Variants in PIEZO2 observed in about 807,000 individuals in gnomAD.
PIEZO2 encodes the protein piezo-type mechanosensitive ion channel component 2.
A neutral mutation model predicts 337.3 loss-of-function variants in PIEZO2; 172 were observed. The observed-to-expected ratio is 0.51, with a 90% confidence interval of 0.45 to 0.58. The LOEUF is 0.58. Among genes scored for constraint, PIEZO2 ranks in the 20% least tolerant of loss-of-function variants. The pLI is 0.00. For synonymous variants in PIEZO2, 1,251 were observed against 1,228.5 expected (o/e 1.02, Z -0.38); for missense variants, 3,028 against 3,391.3 (o/e 0.89, Z 2.66).
chr18:10,974,009 CGAA>C (rs2034342170), intron 3 of PIEZO2, among the ~76,000 whole-genome samples: 2 of 152,120 alleles, frequency 1.3e-5, no homozygotes, highest in African/African-American at 4.8e-5. Flanking sequence ...GCACAACTAA[CGAA>C]GCATGGGGTG....
rs942847264 is a variant in PIEZO2 at position 10,899,600 on chromosome 18, C to A, written c.329+11586G>T. 1.3e-5 allele frequency among the ~76,000 whole-genome samples: 2 copies of A among 152,094 alleles called. No individual in the cohort carries two copies. Among genetic ancestry groups the A allele is most frequent in the African/African-American group, 4.8e-5 (2 of 41,426 alleles). ...TGCAGAACAAATAAGAAATATGAAG[C>A]CTTCTCTTGTAGCTGCCTATTAGCA... On this transcript the variant is annotated intron_variant, in intron 4 of 55. Transcript: ENST00000674853. This position sits in a 1 kb window ranked among gnomAD's most constrained non-coding sequence, Gnocchi z 4.6.
intron 20 of PIEZO2, among the ~76,000 whole-genome samples, chr18:10,771,433 A>G (rs756020453): frequency 9.2e-5 from 14 of 152,238 alleles, no homozygotes; most frequent in Non-Finnish European, 1.6e-4. Context: ...GGCTCACTTT[A>G]TTGACTGAAA....
rs549227355 is a variant in PIEZO2 at position 11,016,866 on chromosome 18, T to C, written c.161-37206A>G. Among the ~76,000 whole-genome samples, 1 of 152,338 alleles carries C rather than the reference T, an allele frequency of 6.6e-6. No homozygotes were observed. The highest frequency in any genetic ancestry group is 1.9e-4 in the East Asian group (1 of 5,182). ...TTGTTATTTCCTTCTCCCCTAATAA[T>C]TGCTTTCTGCAATTGTTTATTTCAT... On this transcript the variant is annotated intron_variant, in intron 2 of 55. Transcript: ENST00000674853. The surrounding 1 kb of genome is among the most constrained non-coding windows in gnomAD (Gnocchi z 5.6).
At chr18:10,799,834 G>A (rs1005736509) in intron 11 of PIEZO2, among the ~76,000 whole-genome samples, 5 of 146,208 alleles carry the variant, frequency 3.4e-5, no homozygotes, top group East Asian at 2.2e-4. Flanking sequence ...TTAGCCAGGC[G>A]TGGTGGTGGG....
chr18:11,025,912 G>T (rs945089305), intron 2 of PIEZO2, among the ~76,000 whole-genome samples: 4 of 152,120 alleles, frequency 2.6e-5, no homozygotes, highest in African/African-American at 9.7e-5. Flanking sequence ...ATAAGATCTG[G>T]GTTCCGCTGG....
chr18:10,880,607 G>A (rs184556493), intron 4 of PIEZO2, among the ~76,000 whole-genome samples: 12 of 152,114 alleles, frequency 7.9e-5, no homozygotes, highest in African/African-American at 2.9e-4. Context: ...ACAACAACAT[G>A]ACTAAAATGT....
chr18:11,042,004 T>G (rs2037140024), intron 2 of PIEZO2, among the ~76,000 whole-genome samples: 1 of 152,200 alleles, frequency 6.6e-6, no homozygotes, highest in Non-Finnish European at 1.5e-5. Context: ...GCGTCTTCTA[T>G]CCATCATTTC....
At chr18:10,785,849 A>T (rs770779736) in intron 16 of PIEZO2, among the ~76,000 whole-genome samples, 1 of 152,030 alleles carries the variant, frequency 6.6e-6, no homozygotes, top group Non-Finnish European at 1.5e-5. Context: ...TAGTCAAGGG[A>T]TCTTTAAAGA....
chr18:10,761,242 G>A (rs2038118202), intron 23 of PIEZO2, 131 bp from the exon 24 acceptor site: 1 of 774,436 alleles, frequency 1.3e-6, no homozygotes, highest in Non-Finnish European at 2.0e-6. Context: ...GCAGTTTTGA[G>A]CTCAATATTC....
chr18:10,924,057 A>G (rs1439292565), intron 3 of PIEZO2, among the ~76,000 whole-genome samples: 1 of 152,252 alleles, frequency 6.6e-6, no homozygotes, highest in African/African-American at 2.4e-5. Flanking sequence ...TTAAATGAAT[A>G]ATGCTGCCAG....
chr18:10,868,317 A>G (rs1239628197), intron 5 of PIEZO2, among the ~76,000 whole-genome samples: 1 of 152,248 alleles, frequency 6.6e-6, no homozygotes. Flanking sequence ...ATTTATAAGC[A>G]GCAGGAAATA....
Position 10,746,923 on chromosome 18 carries a change from A to G in PIEZO2, c.4424+1548T>C, listed in dbSNP as rs2037446833. Reference sequence around the variant, plus strand: ...GTCCGCCCAAATGGACTGAGACGATACCAGGTGTACTGTAGTAGAATTGCT... The same window carrying G: ...GTCCGCCCAAATGGACTGAGACGATGCCAGGTGTACTGTAGTAGAATTGCT... On this transcript the variant is annotated intron_variant, in intron 30 of 55. Coordinates refer to ENST00000674853, the MANE Select transcript of PIEZO2 (RefSeq NM_001378183.1). This position sits in a 1 kb window ranked among gnomAD's most constrained non-coding sequence, Gnocchi z 4.2. 1.3e-5 allele frequency among the ~76,000 whole-genome samples: 2 copies of G among 152,186 alleles called. No individual in the cohort carries two copies. The highest frequency in any genetic ancestry group is 2.9e-5 in the Non-Finnish European group (2 of 68,042).
intron 2 of PIEZO2, among the ~76,000 whole-genome samples, chr18:11,017,360 A>T (rs1483416443): frequency 6.6e-6 from 1 of 152,206 alleles, no homozygotes; most frequent in Non-Finnish European, 1.5e-5. Context: ...CAATTCTGAA[A>T]ATCCATGGGT....
chr18:10,809,260 C>CTTTTTTTTTTTTTTTTTTTTTTT lies in PIEZO2; in HGVS notation c.918-2009_918-1987dup, dbSNP rs869210659. On this transcript the variant is annotated intron_variant, in intron 7 of 55. Coordinates refer to ENST00000674853, the MANE Select transcript of PIEZO2 (RefSeq NM_001378183.1). ...ACCTAAGATTTCTCTCTCTCTCTCTCTTTTTTTTTTTTTTTTTTTTTTTTT... is the reference window on the plus strand; with the variant it reads ...ACCTAAGATTTCTCTCTCTCTCTCTCTTTTTTTTTTTTTTTTTTTTTTTTTTTTTTTTTTTTTTTTTTTTTTTT... 3.0e-5 allele frequency among the ~76,000 whole-genome samples: 2 copies of CTTTTTTTTTTTTTTTTTTTTTTT among 65,804 alleles called. 1 individual carries two copies. Among genetic ancestry groups the CTTTTTTTTTTTTTTTTTTTTTTT allele is most frequent in the African/African-American group, 1.2e-4 (2 of 16,988 alleles). 43.2% of individuals were successfully genotyped at this position (65,804 alleles called of 152,430 possible).
chr18:11,102,472 G>A lies in PIEZO2; in HGVS notation c.65-36250C>T, dbSNP rs1220827363. Among the ~76,000 whole-genome samples, 1 of 152,210 alleles carries A rather than the reference G, an allele frequency of 6.6e-6. No individual in the cohort carries two copies. Among genetic ancestry groups the A allele is most frequent in the East Asian group, 1.9e-4 (1 of 5,188 alleles). On this transcript the variant is annotated intron_variant, in intron 1 of 55. Transcript: ENST00000674853. The surrounding 1 kb of genome is among the most constrained non-coding windows in gnomAD (Gnocchi z 5.7). ...CCCCCACCAGGCTGGTGCAGTGGCA[G>A]GTGGCCAGCCTTTACCCTTATTCCC...
intron 1 of PIEZO2, among the ~76,000 whole-genome samples, chr18:11,135,286 A>G (rs2040449699): frequency 1.3e-5 from 2 of 152,208 alleles, no homozygotes; most frequent in African/African-American, 4.8e-5. Context: ...AACAAACGCC[A>G]GGGCTATTTT....
rs555411859 is a variant in PIEZO2 at position 10,819,884 on chromosome 18, G to A, written c.918-12610C>T. ...TGGTGCAAAATTCTCTCAGTCTTTC[G>A]TATCTGATAATATCTTTATTTGACC... On this transcript the variant is annotated intron_variant, in intron 7 of 55. Transcript: ENST00000674853. The surrounding 1 kb of genome is among the most constrained non-coding windows in gnomAD (Gnocchi z 4.3). Among the ~76,000 whole-genome samples, 9 of 152,196 alleles carry A rather than the reference G, an allele frequency of 5.9e-5. No homozygotes were observed. The highest frequency in any genetic ancestry group is 2.1e-4 in the South Asian group (1 of 4,826).
At chr18:10,736,846 A>T in intron 33 of PIEZO2, 136 bp from the exon 34 acceptor site, 1 of 1,005,398 alleles carries the variant, frequency 9.9e-7, no homozygotes, top group East Asian at 2.6e-5. Context: ...AGAGAGGAAA[A>T]CACACAAGAT....
In PIEZO2 at chr18:10,773,973, G is replaced by A. The variant is rs2038697437; in HGVS notation, c.2567+33C>T. Reference sequence around the variant, plus strand: ...GAAGCATGAAATGGCATCATGTAGAGCAAGCATTTCATGGCTTCACAGGGG... The same window carrying A: ...GAAGCATGAAATGGCATCATGTAGAACAAGCATTTCATGGCTTCACAGGGG... On this transcript the variant is annotated intron_variant, in intron 19 of 55. Transcript: ENST00000674853. This position sits in a 1 kb window ranked among gnomAD's most constrained non-coding sequence, Gnocchi z 5.3. 1.4e-6 allele frequency: 1 copy of A among 702,926 alleles called. No individual in the cohort carries two copies. 43.5% of individuals were successfully genotyped at this position (702,926 alleles called of 1,614,324 possible).
Sources: allele counts gnomAD v4.1 joint callset (sites outside exome capture counted in the v4.1 genomes callset), GRCh38; gene constraint gnomAD v4.1.1; non-coding constraint Gnocchi (gnomAD v3.1); transcripts MANE v1.5; gene names NCBI Gene and HGNC (gene_info 2026-07-23, HGNC 2026-07-21).